TENM1: variants seen among roughly 807,000 people sequenced by gnomAD.
TENM1 encodes teneurin transmembrane protein 1, also known as teneurin-1.
A neutral mutation model predicts 174.8 loss-of-function variants in TENM1; 35 were observed. The ratio of observed to expected loss-of-function variants is 0.20; its 90% CI spans 0.15 to 0.27. TENM1 has a LOEUF of 0.27. Among genes scored for constraint, TENM1 ranks in the 10% least tolerant of loss-of-function variants. TENM1 has a pLI of 1.00. For missense variants in TENM1, 1,633 were observed against 2,130.1 expected (o/e 0.77, Z 4.59); for synonymous variants, 781 against 798.7 (o/e 0.98, Z 0.37).
chrX:124,596,956 T>A (rs183312110), intron 11 of TENM1, among the ~76,000 whole-genome samples: 1 of 110,987 alleles, frequency 9.0e-6, no homozygotes, highest in East Asian at 2.8e-4. Flanking sequence ...GAAATGCAAA[T>A]CAAAACCACA....
At chrX:124,611,618 G>A (rs755485731) in intron 11 of TENM1, among the ~76,000 whole-genome samples, 1 of 111,364 alleles carries the variant, frequency 9.0e-6, no homozygotes, top group South Asian at 3.9e-4. Flanking sequence ...TTATAGTAAA[G>A]ATAAGAAGAC....
chrX:125,153,741 G>C, the TENM1 span, among the ~76,000 whole-genome samples: 2 of 112,298 alleles, frequency 1.8e-5, no homozygotes, highest in African/African-American at 6.5e-5. Context: ...AATTCAGCAT[G>C]AAAGTACTTC....
At chrX:124,650,219 A>G (rs1191257919) in intron 8 of TENM1, among the ~76,000 whole-genome samples, 1 of 108,430 alleles carries the variant, frequency 9.2e-6, no homozygotes, top group Non-Finnish European at 1.9e-5. Context: ...AAAAAAAAAA[A>G]AAAAAAAAAG....
chrX:125,125,062 T>A, the TENM1 span, among the ~76,000 whole-genome samples: 1 of 112,549 alleles, frequency 8.9e-6, no homozygotes, highest in Admixed American at 9.4e-5. Context: ...TTGGATCATG[T>A]TATTGAAAAG....
At chrX:124,756,378 G>T (rs1326311152) in intron 3 of TENM1, among the ~76,000 whole-genome samples, 78 of 94,166 alleles carry the variant, frequency 8.3e-4, no homozygotes, top group African/African-American at 1.8e-3. Context: ...GGTTATTCTA[G>T]TTATACATTC....
At chrX:124,459,851 T>C (rs749285471) in intron 22 of TENM1, among the ~76,000 whole-genome samples, 40 of 111,681 alleles carry the variant, frequency 3.6e-4, no homozygotes, top group African/African-American at 1.3e-3. Flanking sequence ...ATCCAGCATC[T>C]ATAAGGAACT....
At chrX:124,870,654 ATT>A (rs373560601) in intron 3 of TENM1, among the ~76,000 whole-genome samples, 2 of 104,550 alleles carry the variant, frequency 1.9e-5, no homozygotes, top group Non-Finnish European at 2.0e-5. Context: ...TGCCTCAAGT[ATT>A]TTTTTTTTTT....
intron 4 of TENM1, among the ~76,000 whole-genome samples, chrX:124,716,269 C>T (rs1445165131): frequency 8.9e-6 from 1 of 112,000 alleles, no homozygotes; most frequent in Non-Finnish European, 1.9e-5. Flanking sequence ...TTCTCACCAA[C>T]ACCCATGTTC....
intron 11 of TENM1, among the ~76,000 whole-genome samples, chrX:124,608,947 A>T (rs934431241): frequency 9.0e-6 from 1 of 111,113 alleles, no homozygotes; most frequent in Admixed American, 9.5e-5. Context: ...GCAGCGCAAA[A>T]ATCTAATCAA....
chrX:124,796,088 T>C (rs1292801341), intron 3 of TENM1, among the ~76,000 whole-genome samples: 1 of 111,379 alleles, frequency 9.0e-6, no homozygotes, highest in African/African-American at 3.3e-5. Context: ...TTTTGATCCA[T>C]GCCATCACAT....
Position 124,849,131 on chromosome X carries a change from G to A in TENM1, c.535+45165C>T, listed in dbSNP as rs184845559. On this transcript the variant is annotated intron_variant, in intron 3 of 31. Coordinates refer to ENST00000422452, the Ensembl canonical transcript of TENM1. ...CATGAGGTATTTGCATGTTGAATTA[G>A]GCATGTTAAACTATTATCAAGGGAT... 5.0e-4 allele frequency among the ~76,000 whole-genome samples: 56 copies of A among 111,171 alleles called. No individual in the cohort carries two copies. The East Asian group carries it at 0.014, about 28-fold the overall frequency.
At chrX:124,615,865 G>C (rs973146844) in intron 11 of TENM1, among the ~76,000 whole-genome samples, 6 of 111,906 alleles carry the variant, frequency 5.4e-5, no homozygotes, top group African/African-American at 1.9e-4. Context: ...CCTCAATCAA[G>C]TTGGTATTAT....
chrX:124,501,338 T>C (rs2047325320), intron 19 of TENM1, among the ~76,000 whole-genome samples: 1 of 111,748 alleles, frequency 8.9e-6, no homozygotes, highest in South Asian at 3.7e-4. Flanking sequence ...AGGCCTAATA[T>C]TGGGAAACAA....
the TENM1 span, among the ~76,000 whole-genome samples, chrX:125,122,766 T>C: frequency 9.0e-6 from 1 of 111,426 alleles, no homozygotes; most frequent in East Asian, 2.8e-4. Flanking sequence ...AGGGTTATGA[T>C]AGTCAGCATT....
At chrX:124,387,388 A>G (rs989395155) in intron 28 of TENM1, among the ~76,000 whole-genome samples, 4 of 111,579 alleles carry the variant, frequency 3.6e-5, no homozygotes, top group African/African-American at 9.8e-5. Flanking sequence ...CTCATCTTTT[A>G]ATAAAAATAA....
intron 23 of TENM1, among the ~76,000 whole-genome samples, chrX:124,450,309 G>A (rs1052416579): frequency 1.0e-4 from 11 of 106,092 alleles, no homozygotes; most frequent in African/African-American, 2.1e-4. Flanking sequence ...GCAGTGAGCC[G>A]AGATTGCGCC....
intron 3 of TENM1, among the ~76,000 whole-genome samples, chrX:124,825,568 T>G (rs2056140547): frequency 8.9e-6 from 1 of 111,779 alleles, no homozygotes; most frequent in Non-Finnish European, 1.9e-5. Flanking sequence ...TTTAATCCTG[T>G]GGGCTATAAT....
the TENM1 span, among the ~76,000 whole-genome samples, chrX:125,026,126 G>A: frequency 4.6e-5 from 5 of 108,728 alleles, no homozygotes; most frequent in Non-Finnish European, 3.8e-5. Flanking sequence ...ACAAAAATCT[G>A]GTTTATTTAA....
At chrX:124,605,754 G>A (rs749999396) in intron 11 of TENM1, among the ~76,000 whole-genome samples, 17 of 111,275 alleles carry the variant, frequency 1.5e-4, no homozygotes, top group Non-Finnish European at 2.5e-4. Flanking sequence ...TGTTCCACTG[G>A]AATACCAATG....
Sources: allele counts gnomAD v4.1 joint callset (sites outside exome capture counted in the v4.1 genomes callset), GRCh38; gene constraint gnomAD v4.1.1; transcripts MANE v1.5; gene names NCBI Gene and HGNC (gene_info 2026-07-23, HGNC 2026-07-21).